The following PPP3CA variants were observed in gnomAD, a reference collection of about 807,000 sequenced individuals.
PPP3CA encodes CAM-PRP catalytic subunit.
A neutral mutation model predicts 66.5 loss-of-function variants in PPP3CA; 14 were observed. The ratio of observed to expected loss-of-function variants is 0.21; its 90% CI spans 0.14 to 0.33. The LOEUF is 0.33. Among genes scored for constraint, PPP3CA ranks in the 10% least tolerant of loss-of-function variants. The pLI is 1.00. For synonymous variants in PPP3CA, 232 were observed against 226.2 expected (o/e 1.03, Z -0.23); for missense variants, 317 against 639.5 (o/e 0.50, Z 5.44).
intron 1 of PPP3CA, among the ~76,000 whole-genome samples, chr4:101,338,009 T>A (rs1030704160): frequency 6.6e-6 from 1 of 152,230 alleles, no homozygotes; most frequent in East Asian, 1.9e-4. Flanking sequence ...TCTGTTCTAA[T>A]TCCTAATCTT....
chr4:101,204,843 A>T (rs1725082212), intron 1 of PPP3CA, among the ~76,000 whole-genome samples: 1 of 151,602 alleles, frequency 6.6e-6, no homozygotes, highest in Admixed American at 6.6e-5. Context: ...TCAAATACTT[A>T]AAAAATTTAA....
intron 1 of PPP3CA, among the ~76,000 whole-genome samples, chr4:101,295,179 T>C (rs922164837): frequency 2.0e-5 from 3 of 150,850 alleles, no homozygotes; most frequent in East Asian, 1.9e-4. Flanking sequence ...CGGGCGCCTG[T>C]AGTCCCAGCT....
chr4:101,322,262 T>C (rs747773600), intron 1 of PPP3CA, among the ~76,000 whole-genome samples: 4 of 152,124 alleles, frequency 2.6e-5, no homozygotes, highest in Non-Finnish European at 5.9e-5. Context: ...CTAACCATCA[T>C]CTTGGAAAAT....
chr4:101,095,734 C>T lies in PPP3CA; in HGVS notation c.643-1819G>A, dbSNP rs559656710. ...TGGCACGATCTCGGCTCACAGCAAC[C>T]TCCACCTCCCAGGTTCAAGAAATTC... On this transcript the variant is annotated intron_variant, in intron 5 of 13. Transcript: ENST00000394854. Among the ~76,000 whole-genome samples, 9 of 152,242 alleles carry T rather than the reference C, an allele frequency of 5.9e-5. No individual in the cohort carries two copies. The East Asian group carries it at 1.7e-3, about 29-fold the overall frequency.
At chr4:101,267,066 G>T (rs1578611333) in intron 1 of PPP3CA, among the ~76,000 whole-genome samples, 3 of 152,314 alleles carry the variant, frequency 2.0e-5, no homozygotes, top group Admixed American at 6.5e-5. Context: ...ATCTGCCTCT[G>T]CCCTGGGGCG....
chr4:101,203,050 T>C (rs1279647241), intron 1 of PPP3CA, among the ~76,000 whole-genome samples: 1 of 152,180 alleles, frequency 6.6e-6, no homozygotes, highest in Non-Finnish European at 1.5e-5. Flanking sequence ...TACCAATGTG[T>C]TAAAGGGCAT....
At chr4:101,244,710 A>C (rs1182031376) in intron 1 of PPP3CA, among the ~76,000 whole-genome samples, 2 of 152,198 alleles carry the variant, frequency 1.3e-5, no homozygotes, top group Non-Finnish European at 2.9e-5. Context: ...GTTTCAGAAG[A>C]ATTCAAAATA....
chr4:101,275,935 T>G (rs187905736), intron 1 of PPP3CA, among the ~76,000 whole-genome samples: 233 of 151,860 alleles, frequency 1.5e-3, no homozygotes, highest in African/African-American at 5.3e-3. Flanking sequence ...CCAGCTCTGT[T>G]GCCCAGACTG....
At chr4:101,180,152 C>T (rs1005091540) in intron 2 of PPP3CA, among the ~76,000 whole-genome samples, 2 of 152,108 alleles carry the variant, frequency 1.3e-5, no homozygotes, top group African/African-American at 4.8e-5. Flanking sequence ...AGGCATAGTA[C>T]TAGGAAAACC....
At chr4:101,084,676 T>C (rs1203587345) in intron 6 of PPP3CA, among the ~76,000 whole-genome samples, 3 of 151,068 alleles carry the variant, frequency 2.0e-5, no homozygotes, top group African/African-American at 7.3e-5. Flanking sequence ...CATACAGTTA[T>C]AGAGATACTG....
chr4:101,344,681 T>C (rs1729922871), intron 1 of PPP3CA, among the ~76,000 whole-genome samples: 1 of 152,166 alleles, frequency 6.6e-6, no homozygotes, highest in African/African-American at 2.4e-5. Flanking sequence ...AATGGTTGAG[T>C]GGGCTCTTCC....
intron 1 of PPP3CA, among the ~76,000 whole-genome samples, chr4:101,230,078 A>G (rs1294756759): frequency 6.6e-6 from 1 of 151,696 alleles, no homozygotes. Context: ...AGAACTCACA[A>G]CAGTGTGATT....
intron 3 of PPP3CA, among the ~76,000 whole-genome samples, chr4:101,108,531 C>T (rs1333634357): frequency 6.6e-6 from 1 of 152,038 alleles, no homozygotes; most frequent in Admixed American, 6.6e-5. Flanking sequence ...TTTGGCAGGC[C>T]GAGGTGGGCG....
chr4:101,276,893 C>T (rs1560693812), intron 1 of PPP3CA, among the ~76,000 whole-genome samples: 2 of 152,018 alleles, frequency 1.3e-5, no homozygotes, highest in Non-Finnish European at 2.9e-5. Flanking sequence ...AACTAAAGCC[C>T]ACAGTTTACA....
intron 1 of PPP3CA, among the ~76,000 whole-genome samples, chr4:101,335,621 G>C (rs550273704): frequency 6.6e-6 from 1 of 152,212 alleles, no homozygotes; most frequent in African/African-American, 2.4e-5. Flanking sequence ...AAAATAACAA[G>C]GGAATTTCAA....
intron 1 of PPP3CA, among the ~76,000 whole-genome samples, chr4:101,272,762 C>G (rs1727374309): frequency 6.6e-6 from 1 of 152,128 alleles, no homozygotes; most frequent in Non-Finnish European, 1.5e-5. Flanking sequence ...TAAACAAAAA[C>G]TCTCTGTGGG....
intron 2 of PPP3CA, among the ~76,000 whole-genome samples, chr4:101,133,178 G>A (rs1255357239): frequency 6.6e-6 from 1 of 152,170 alleles, no homozygotes; most frequent in Non-Finnish European, 1.5e-5. Flanking sequence ...CATTCCCTTT[G>A]AAAACTGGCA....
intron 1 of PPP3CA, among the ~76,000 whole-genome samples, chr4:101,338,687 G>A (rs796324983): frequency 4.6e-5 from 7 of 152,268 alleles, no homozygotes; most frequent in African/African-American, 1.7e-4. Context: ...GGAGATGCAG[G>A]TCTCAAAGGA....
intron 2 of PPP3CA, among the ~76,000 whole-genome samples, chr4:101,181,535 T>G (rs1724235077): frequency 6.6e-6 from 1 of 152,126 alleles, no homozygotes; most frequent in Admixed American, 6.6e-5. Context: ...GTTATGCGAA[T>G]AGTTTTGTCA....
Sources: gnomAD v4.1 joint callset for allele counts (sites outside exome capture counted in the v4.1 genomes callset) on GRCh38, gnomAD v4.1.1 for gene constraint, MANE v1.5 for transcripts, NCBI Gene and HGNC (gene_info 2026-07-23, HGNC 2026-07-21) for gene names.